SNTG1: variants seen among roughly 807,000 people sequenced by gnomAD.
SNTG1 encodes the protein syntrophin gamma 1.
SNTG1 carries 39 observed loss-of-function variants against 74.7 expected under a neutral mutation model. The ratio of observed to expected loss-of-function variants is 0.52; its 90% CI spans 0.40 to 0.68. The LOEUF is 0.68. SNTG1 is among the 30% of genes least tolerant of loss of function. The probability of loss-of-function intolerance (pLI) is 0.00; values close to 1 mark genes in which losing one functional copy is unlikely to be tolerated. For synonymous variants in SNTG1, 254 were observed against 217.1 expected, an observed-to-expected ratio of 1.17 and a Z score of -1.49; for missense variants, 685 against 609.5, an observed-to-expected ratio of 1.12 and a Z score of -1.30.
chr8:50,604,339 C>T lies in SNTG1; in HGVS notation c.849+13422C>T, dbSNP rs192028400. The stretch of plus-strand genomic sequence containing the variant: ...GCTGAGGTGGGAGGATCACTTGAGC[C>T]CAGCAGGTGGAGGTTGCAGTGAGCC... On this transcript the variant is annotated intron_variant, in intron 13 of 18. Transcript: ENST00000642720. 1.2e-4 allele frequency among the ~76,000 whole-genome samples: 18 copies of T among 152,024 alleles called. No homozygotes were observed. The East Asian group carries it at 3.5e-3, about 30-fold the overall frequency.
intron 2 of SNTG1, among the ~76,000 whole-genome samples, chr8:50,362,901 A>G (rs986634543): frequency 3.3e-5 from 5 of 152,326 alleles, no homozygotes; most frequent in Admixed American, 6.5e-5. Flanking sequence ...ACTGAAATCT[A>G]CTGAAGATCT....
At chr8:50,692,822 T>C (rs6473295) in intron 15 of SNTG1, among the ~76,000 whole-genome samples, 15,580 of 152,274 alleles carry the variant, frequency 0.1, 2,239 homozygotes, top group African/African-American at 0.32. Context: ...TGCTGTCTTT[T>C]TGTTTGTTTG....
chr8:50,121,847 C>T (rs763291612), intron 1 of SNTG1, among the ~76,000 whole-genome samples: 1 of 141,738 alleles, frequency 7.1e-6, no homozygotes, highest in Non-Finnish European at 1.6e-5. Flanking sequence ...GGTGAAATAA[C>T]GCAATGTTTA....
At chr8:50,501,449 TTTTTTC>T in intron 8 of SNTG1, among the ~76,000 whole-genome samples, 1 of 140,238 alleles carries the variant, frequency 7.1e-6, no homozygotes, top group African/African-American at 2.7e-5. Context: ...TTTTTTTTTT[TTTTTTC>T]ACGGAGTTTT....
At chr8:49,919,068 A>G (rs946581743) in intron 1 of SNTG1, among the ~76,000 whole-genome samples, 3 of 151,710 alleles carry the variant, frequency 2.0e-5, no homozygotes, top group Admixed American at 6.6e-5. Context: ...CTCTGTTCTC[A>G]CTGTCTTTCT....
chr8:49,969,183 G>A (rs923128032), intron 1 of SNTG1, among the ~76,000 whole-genome samples: 1 of 151,678 alleles, frequency 6.6e-6, no homozygotes, highest in African/African-American at 2.4e-5. Flanking sequence ...TTAATAACGT[G>A]GTGAATAATT....
intron 2 of SNTG1, among the ~76,000 whole-genome samples, chr8:50,185,627 A>C (rs973694498): frequency 1.3e-5 from 2 of 152,202 alleles, no homozygotes; most frequent in African/African-American, 4.8e-5. Context: ...TATTTATCAG[A>C]CAATATAAGC....
At chr8:50,222,060 G>A (rs761311548) in intron 2 of SNTG1, among the ~76,000 whole-genome samples, 1 of 152,156 alleles carries the variant, frequency 6.6e-6, no homozygotes, top group African/African-American at 2.4e-5. Flanking sequence ...GCCACTTCTG[G>A]GTGAGGGTCA....
intron 5 of SNTG1, among the ~76,000 whole-genome samples, chr8:50,441,387 G>A (rs928291974): frequency 4.6e-5 from 7 of 152,062 alleles, no homozygotes; most frequent in African/African-American, 1.2e-4. Flanking sequence ...GGGACAAAAC[G>A]TGCAGGTGGC....
chr8:50,318,010 G>C (rs938712747), intron 2 of SNTG1, among the ~76,000 whole-genome samples: 2 of 152,028 alleles, frequency 1.3e-5, no homozygotes. Flanking sequence ...CTAATTTTTT[G>C]TATTTTTAGT....
chr8:50,176,855 G>T (rs1053459392), intron 2 of SNTG1, among the ~76,000 whole-genome samples: 4 of 152,130 alleles, frequency 2.6e-5, no homozygotes, highest in Non-Finnish European at 5.9e-5. Flanking sequence ...GTCTACCCTA[G>T]TAGGTATGAA....
intron 1 of SNTG1, among the ~76,000 whole-genome samples, chr8:49,944,635 G>C (rs887020360): frequency 6.7e-6 from 1 of 149,240 alleles, no homozygotes; most frequent in Non-Finnish European, 1.5e-5. Flanking sequence ...GCTAAATGAC[G>C]AGTTAATGGG....
chr8:50,376,746 TATATATATATAGAG>T (rs1265776981), intron 2 of SNTG1, among the ~76,000 whole-genome samples: 10 of 111,058 alleles, frequency 9.0e-5, no homozygotes, highest in African/African-American at 2.2e-4. Context: ...TATATATATA[TATATATATATAGAG>T]AGAGAGAGAG....
intron 13 of SNTG1, among the ~76,000 whole-genome samples, chr8:50,623,313 C>A (rs564510289): frequency 6.6e-6 from 1 of 152,088 alleles, no homozygotes; most frequent in African/African-American, 2.4e-5. Context: ...GGTTGTTATA[C>A]ATGGCCTTTG....
At chr8:50,382,531 A>G (rs1469285955) in intron 2 of SNTG1, among the ~76,000 whole-genome samples, 1 of 152,174 alleles carries the variant, frequency 6.6e-6, no homozygotes, top group African/African-American at 2.4e-5. Flanking sequence ...CTGACCAACT[A>G]GGCTTTGGAA....
chr8:49,958,469 C>T (rs889086300), intron 1 of SNTG1, among the ~76,000 whole-genome samples: 3 of 151,700 alleles, frequency 2.0e-5, no homozygotes, highest in Non-Finnish European at 2.9e-5. Context: ...TAGCCCAGGC[C>T]GGAACCCAGT....
At chr8:50,116,693 A>G (rs1205252998) in intron 1 of SNTG1, among the ~76,000 whole-genome samples, 1 of 152,180 alleles carries the variant, frequency 6.6e-6, no homozygotes, top group African/African-American at 2.4e-5. Context: ...TAGTCAGGTT[A>G]GGTTGTTGGT....
chr8:50,639,941 C>T (rs2095062115), intron 13 of SNTG1, among the ~76,000 whole-genome samples: 1 of 152,012 alleles, frequency 6.6e-6, no homozygotes, highest in Non-Finnish European at 1.5e-5. Flanking sequence ...TCATATATAT[C>T]CTCATCCTTC....
rs1410479339 is a variant in SNTG1, at chr8:50,779,554, G to C, written c.1396-13117G>C. On this transcript the variant is annotated intron_variant, in intron 18 of 18. Coordinates refer to ENST00000642720, the MANE Select transcript of SNTG1 (RefSeq NM_018967.5). Reference sequence around the variant, plus strand: ...CTTGTGATTTTTGTACATTGATTTTGTATCCTGAGACTTTGCCGAAGTTGC... The same window carrying C: ...CTTGTGATTTTTGTACATTGATTTTCTATCCTGAGACTTTGCCGAAGTTGC... Among the ~76,000 whole-genome samples, 3 of 152,234 alleles carry C rather than the reference G, an allele frequency of 2.0e-5. No individual in the cohort carries two copies. The South Asian group carries it at 6.2e-4, about 32-fold the overall frequency.
Sources: gnomAD v4.1 joint callset for allele counts (sites outside exome capture counted in the v4.1 genomes callset) on GRCh38, gnomAD v4.1.1 for gene constraint, MANE v1.5 for transcripts, NCBI Gene and HGNC (gene_info 2026-07-23, HGNC 2026-07-21) for gene names.